Variants in ABCC2 observed in about 807,000 individuals in gnomAD.
The protein encoded by ABCC2 is ATP-binding cassette sub-family C member 2.
ABCC2 carries 157 observed loss-of-function variants against 173.4 expected under a neutral mutation model. That is an observed-to-expected ratio of 0.91 (90% CI 0.80 to 1.03). ABCC2 has a LOEUF of 1.03. ABCC2 is among the 50% of genes least tolerant of loss of function. ABCC2 has a pLI of 0.00. For synonymous variants in ABCC2, 657 were observed against 693.5 expected, an observed-to-expected ratio of 0.95 and a Z score of 0.83; for missense variants, 1,822 against 1,852.3, an observed-to-expected ratio of 0.98 and a Z score of 0.30.
intron 19 of ABCC2, among the ~76,000 whole-genome samples, chr10:99,826,108 G>C (rs2038634389): frequency 1.3e-5 from 2 of 152,204 alleles, no homozygotes; most frequent in Admixed American, 6.5e-5. Context: ...GTAGTTGCTT[G>C]AATAGTTATA....
chr10:99,814,754 TACAC>T (rs534777652), intron 16 of ABCC2, among the ~76,000 whole-genome samples: 2,622 of 139,344 alleles, frequency 0.019, 103 homozygotes, highest in African/African-American at 0.068. Context: ...TGTATGTATA[TACAC>T]ACACATATAT....
In ABCC2 at chr10:99,845,677, C is replaced by T. The variant is rs1244449300; in HGVS notation, c.4041C>T (p.Leu1347=). 1 of 1,613,928 alleles carries T rather than the reference C, an allele frequency of 6.2e-7. No homozygotes were observed. The highest frequency in any genetic ancestry group is 8.5e-7 in the Non-Finnish European group (1 of 1,180,010). The change falls in exon 29 of 32, where the codon CTC becomes CTT. Residue 1347 remains leucine, a synonymous_variant. Coordinates refer to ENST00000647814, the MANE Select transcript of ABCC2 (RefSeq NM_000392.5). ...GAAAGTCATCCCTCACAAACTGCCTCTTCAGAATCTTAGAGGCTGCCGGTG... is the reference window on the plus strand; with the variant it reads ...GAAAGTCATCCCTCACAAACTGCCTTTTCAGAATCTTAGAGGCTGCCGGTG... The part of the protein sequence containing the change: ...GAGKSSLTNC[L]FRILEAAGGQ...
Position 99,830,418 on chromosome 10 carries a change from G to A in ABCC2, c.2732G>A (p.Arg911Gln), listed in dbSNP as rs767142650. ...ATGAGAAGAGAGAACAGCTTTCGTC[G>A]AACACTTAGCCGCAGGTTGGCTATC... ...ITMRRENSFR[R>Q]TLSRSSRSNG... The change falls in exon 20 of 32, where the codon CGA (arginine) becomes CAA (glutamine). Residue 911 changes from arginine (R) to glutamine (Q), a missense_variant. Physicochemically the swap from Arg to Gln is conservative, Grantham distance 43. Transcript: ENST00000647814. The A allele has an allele frequency of 2.9e-5, 47 of 1,614,070 alleles. No individual in the cohort carries two copies. The highest frequency in any genetic ancestry group is 2.4e-4 in the South Asian group (22 of 91,090).
At position 99,850,738 on chromosome 10, in the gene ABCC2, G is replaced by T. The variant is rs1354984709; in HGVS notation, c.4450G>T (p.Ala1484Ser). Residue 1484 changes from alanine to serine, a missense_variant, in exon 31 of 32, where the codon GCC becomes TCC. By Grantham distance (99) the Ala-to-Ser change is moderately conservative. Coordinates refer to ENST00000647814, the MANE Select transcript of ABCC2 (RefSeq NM_000392.5). The stretch of plus-strand genomic sequence containing the variant: ...TCAGACGACCATCCAAAACGAGTTC[G>T]CCCACTGCACAGTGATCACCATCGC... ...LIQTTIQNEF[A>S]HCTVITIAHR... The T allele has an allele frequency of 6.2e-7, 1 of 1,614,162 alleles. No homozygotes were observed.
chr10:99,832,995 T>G (rs2038764731), intron 23 of ABCC2, among the ~76,000 whole-genome samples: 1 of 152,238 alleles, frequency 6.6e-6, no homozygotes, highest in Non-Finnish European at 1.5e-5. Context: ...CAATTCTGAA[T>G]GATAAGTAAC....
At chr10:99,819,009 G>A in intron 18 of ABCC2, 52 bp downstream of exon 18, 1 of 1,611,028 alleles carries the variant, frequency 6.2e-7, no homozygotes, top group Non-Finnish European at 8.5e-7. Flanking sequence ...GGGAGGGAGA[G>A]GGGAGGACAT....
chr10:99,797,504 G>A (rs1385630298), intron 7 of ABCC2, 173 bp downstream of exon 7: 16 of 671,790 alleles, frequency 2.4e-5, no homozygotes, highest in African/African-American at 1.1e-4. Flanking sequence ...GATACATGGC[G>A]TGTAATGTAC....
rs192803426 is a variant in ABCC2, at chr10:99,807,961, C to T, written c.1669-122C>T. On this transcript the variant is annotated intron_variant, in intron 12 of 31. Transcript: ENST00000647814. Reference sequence around the variant, plus strand: ...CTGGGCTCAGTTTTCTCATCTGTAACATGGGGAGGCTGGATGATCCTTAAG... The same window carrying T: ...CTGGGCTCAGTTTTCTCATCTGTAATATGGGGAGGCTGGATGATCCTTAAG... The T allele has an allele frequency of 2.8e-4, 340 of 1,219,368 alleles. 4 individuals carry two copies. The East Asian group carries it at 7.5e-3, about 27-fold the overall frequency. 75.5% of individuals were successfully genotyped at this position (1,219,368 alleles called of 1,614,324 possible). A position where few individuals can be genotyped will look rare whatever the true frequency, so the allele number is the denominator to read the frequency against.
chr10:99,804,953 T>G (rs1050617875), intron 10 of ABCC2, among the ~76,000 whole-genome samples: 1 of 152,156 alleles, frequency 6.6e-6, no homozygotes, highest in Admixed American at 6.6e-5. Flanking sequence ...CAGATCATGA[T>G]AAGTATTATA....
In ABCC2 at chr10:99,830,308, C is replaced by T. The variant is rs750755211; in HGVS notation, c.2622C>T (p.Val874=). The T allele has an allele frequency of 6.2e-7, 1 of 1,614,122 alleles. No individual in the cohort carries two copies. Among genetic ancestry groups the T allele is most frequent in the South Asian group, 1.1e-5 (1 of 91,082 alleles). ...RHTGPEEEAT[V]HDGSEEEDDD... is the part of the protein sequence containing the mutation. ...CTAACCTCTACTGTGTCTCCCTAGT[C>T]CATGATGGCAGTGAAGAAGAAGACG... The change falls in exon 20 of 32, where the codon GTC becomes GTT. Residue 874 remains valine (V), a splice_region_variant and synonymous_variant. Transcript: ENST00000647814.
At chr10:99,827,492 A>AG (rs1242766242) in intron 19 of ABCC2, among the ~76,000 whole-genome samples, 2 of 152,052 alleles carry the variant, frequency 1.3e-5, no homozygotes, top group Non-Finnish European at 2.9e-5. Flanking sequence ...TACAGCTTCT[A>AG]GGGGCGTCAG....
In ABCC2 at chr10:99,844,475, G is replaced by A. The variant is rs373365135; in HGVS notation, c.3987+10G>A. The A allele has an allele frequency of 3.6e-5, 58 of 1,612,552 alleles. No homozygotes were observed. The highest frequency in any genetic ancestry group is 4.4e-5 in the Non-Finnish European group (52 of 1,180,030). On this transcript the variant is annotated intron_variant, in intron 28 of 31. Coordinates refer to ENST00000647814, the MANE Select transcript of ABCC2 (RefSeq NM_000392.5). ...CGGTAGCATGGAGAAGGTAGGTGGA[G>A]TGAAGGAAGGCCTGGATGGGAGGCC...
At position 99,784,654 on chromosome 10, in the gene ABCC2, T is replaced by C; in HGVS notation, c.80T>C (p.Phe27Ser). 3 of 1,614,232 alleles carry C rather than the reference T, an allele frequency of 1.9e-6. No individual in the cohort carries two copies. Among genetic ancestry groups the C allele is most frequent in the South Asian group, 2.2e-5 (2 of 91,084 alleles). ...DSPEADLPLC[F>S]EQTVLVWIPL... is the part of the protein sequence containing the mutation. Reference sequence around the variant, plus strand: ...CCGGAGGCAGACCTGCCACTTTGTTTTGAGCAAACTGTTCTGGTGTGGATT... The same window carrying C: ...CCGGAGGCAGACCTGCCACTTTGTTCTGAGCAAACTGTTCTGGTGTGGATT... Residue 27 changes from phenylalanine to serine, a missense_variant, in exon 2 of 32, where the codon TTT (phenylalanine) becomes TCT (serine). Coordinates refer to ENST00000647814, the MANE Select transcript of ABCC2 (RefSeq NM_000392.5).
At chr10:99,818,180 G>A (rs1329705738) in intron 17 of ABCC2, among the ~76,000 whole-genome samples, 11 of 151,062 alleles carry the variant, frequency 7.3e-5, no homozygotes, top group South Asian at 2.1e-4. Context: ...CTGAGATTGC[G>A]CCACTGCACT....
chr10:99,814,468 T>TATACACA (rs2038327541), intron 16 of ABCC2, among the ~76,000 whole-genome samples: 2 of 14,832 alleles, frequency 1.3e-4, no homozygotes, highest in South Asian at 1.8e-3. Flanking sequence ...CATACACACA[T>TATACACA]ATGTGTGTAT....
At chr10:99,794,960 G>A (rs2037873467) in intron 6 of ABCC2, among the ~76,000 whole-genome samples, 1 of 152,208 alleles carries the variant, frequency 6.6e-6, no homozygotes, top group African/African-American at 2.4e-5. Flanking sequence ...AGATTGGGAT[G>A]CTGAGGAGAA....
At chr10:99,786,719 A>C (rs1343578141) in intron 2 of ABCC2, among the ~76,000 whole-genome samples, 6 of 149,308 alleles carry the variant, frequency 4.0e-5, no homozygotes, top group Non-Finnish European at 8.9e-5. Flanking sequence ...ATACAAAAAC[A>C]TTCGGCTGGG....
At position 99,847,013 on chromosome 10, in the gene ABCC2, A is replaced by G. The variant is rs1332508590; in HGVS notation, c.4199A>G (p.Asn1400Ser). The change falls in exon 30 of 32, where the codon AAC becomes AGC. Residue 1400 changes from asparagine to serine, a missense_variant. By Grantham distance (46) the Asn-to-Ser change is conservative (BLOSUM62 1). Transcript: ENST00000647814. ...SLRMNLDPFN[N>S]YSDEEIWKAL... ...AGGATGAATCTCGACCCTTTCAACA[A>G]CTACTCAGATGAGGAGATTTGGAAG... The G allele has an allele frequency of 1.2e-6, 2 of 1,614,094 alleles. No homozygotes were observed. Among genetic ancestry groups the G allele is most frequent in the Non-Finnish European group, 1.7e-6 (2 of 1,180,020 alleles).
chr10:99,797,011 A>G, intron 6 of ABCC2, 86 bp from the exon 7 acceptor site: 1 of 1,178,120 alleles, frequency 8.5e-7, no homozygotes, highest in Non-Finnish European at 1.3e-6. Context: ...CTATCCCAGA[A>G]CCTGGAGGTA....
Sources: gnomAD v4.1 joint callset for allele counts (sites outside exome capture counted in the v4.1 genomes callset) on GRCh38, gnomAD v4.1.1 for gene constraint, MANE v1.5 for transcripts, NCBI Gene and HGNC (gene_info 2026-07-23, HGNC 2026-07-21) for gene names.